Variants in SLC35F1 observed in about 807,000 individuals in gnomAD.
SLC35F1 encodes the protein solute carrier family 35 member F1.
A neutral mutation model predicts 48.7 loss-of-function variants in SLC35F1; 14 were observed. The ratio of observed to expected loss-of-function variants is 0.29; its 90% CI spans 0.19 to 0.45. The LOEUF is 0.45. Among genes scored for constraint, SLC35F1 ranks in the 20% least tolerant of loss-of-function variants. The pLI is 1.00. For synonymous variants in SLC35F1, 190 were observed against 202.2 expected (o/e 0.94, Z 0.51); for missense variants, 404 against 500.0 (o/e 0.81, Z 1.83).
chr6:118,242,350 T>C (rs1192995616), intron 3 of SLC35F1, among the ~76,000 whole-genome samples: 1 of 142,180 alleles, frequency 7.0e-6, no homozygotes, highest in East Asian at 2.1e-4. Flanking sequence ...GAGAGAAATA[T>C]TTTTAACTTT....
intron 2 of SLC35F1, among the ~76,000 whole-genome samples, chr6:118,232,532 G>A (rs1269161497): frequency 1.7e-5 from 2 of 119,126 alleles, no homozygotes; most frequent in African/African-American, 7.0e-5. Context: ...TGGGTGACAA[G>A]AGTGAAACTC....
intron 2 of SLC35F1, among the ~76,000 whole-genome samples, chr6:118,155,474 C>G (rs1774125664): frequency 6.6e-6 from 1 of 152,172 alleles, no homozygotes; most frequent in Admixed American, 6.5e-5. Flanking sequence ...TTGCCCTCTC[C>G]TGCTCTCTCA....
intron 1 of SLC35F1, among the ~76,000 whole-genome samples, chr6:117,949,046 A>G (rs1417424068): frequency 6.6e-6 from 1 of 152,192 alleles, no homozygotes; most frequent in African/African-American, 2.4e-5. Context: ...GGTGCTATTC[A>G]TAATGCTTTT....
rs9387569 is a variant in SLC35F1 at position 118,256,961 on chromosome 6, C to G, written c.478-10034C>G. 9.8e-4 allele frequency among the ~76,000 whole-genome samples: 149 copies of G among 152,190 alleles called. 1 individual carries two copies. The East Asian group carries it at 0.025, about 25-fold the overall frequency. ...TTATTCTTATAGATTCTAATTTTCT[C>G]CATCCAGAAATTTTTATGCCTAATA... is the stretch of plus-strand genomic sequence containing the variant. On this transcript the variant is annotated intron_variant, in intron 3 of 7. Transcript: ENST00000360388.
At chr6:117,966,160 A>G (rs957656306) in intron 1 of SLC35F1, among the ~76,000 whole-genome samples, 4 of 72,308 alleles carry the variant, frequency 5.5e-5, no homozygotes, top group Non-Finnish European at 1.1e-4. Flanking sequence ...CCCCGCCCCA[A>G]GCAGCAGCGG....
intron 2 of SLC35F1, among the ~76,000 whole-genome samples, chr6:118,196,898 C>A (rs1774809802): frequency 6.6e-6 from 1 of 151,584 alleles, no homozygotes; most frequent in Admixed American, 6.6e-5. Flanking sequence ...CCATTTTATT[C>A]TTTTGCATGT....
At chr6:118,215,001 C>T (rs1259396533) in intron 2 of SLC35F1, among the ~76,000 whole-genome samples, 1 of 152,056 alleles carries the variant, frequency 6.6e-6, no homozygotes, top group Non-Finnish European at 1.5e-5. Context: ...GTGAGCAATC[C>T]GTGTCCCAAG....
chr6:118,107,480 T>C (rs772687393), intron 1 of SLC35F1, among the ~76,000 whole-genome samples: 9 of 152,144 alleles, frequency 5.9e-5, no homozygotes, highest in Admixed American at 2.6e-4. Context: ...TACTGACAGA[T>C]CTTATAACAA....
chr6:118,220,804 C>G (rs1462145546), intron 2 of SLC35F1, among the ~76,000 whole-genome samples: 1 of 152,212 alleles, frequency 6.6e-6, no homozygotes, highest in East Asian at 1.9e-4. Flanking sequence ...TTATTGACAA[C>G]TGAAGCACTG....
intron 1 of SLC35F1, among the ~76,000 whole-genome samples, chr6:117,980,073 A>G (rs1776757375): frequency 6.6e-6 from 1 of 152,076 alleles, no homozygotes; most frequent in African/African-American, 2.4e-5. Context: ...TTTCTGTTTT[A>G]TATGTTTATG....
intron 1 of SLC35F1, among the ~76,000 whole-genome samples, chr6:118,015,288 A>T (rs984906925): frequency 2.0e-5 from 3 of 151,778 alleles, no homozygotes; most frequent in Non-Finnish European, 4.4e-5. Context: ...CTCCGGAGAG[A>T]TTGTTTTTTA....
intron 1 of SLC35F1, among the ~76,000 whole-genome samples, chr6:118,015,688 A>T (rs1218578806): frequency 6.6e-6 from 1 of 152,190 alleles, no homozygotes; most frequent in Non-Finnish European, 1.5e-5. Context: ...AGTTTTCTAA[A>T]TACACTTCTT....
intron 2 of SLC35F1, among the ~76,000 whole-genome samples, chr6:118,213,209 AT>A (rs1775029924): frequency 6.6e-6 from 1 of 152,354 alleles, no homozygotes; most frequent in South Asian, 2.1e-4. Flanking sequence ...AAGAGCTAAA[AT>A]CAACAAGTTA....
intron 3 of SLC35F1, among the ~76,000 whole-genome samples, chr6:118,237,104 T>A (rs1775375571): frequency 6.6e-6 from 1 of 152,176 alleles, no homozygotes; most frequent in Admixed American, 6.5e-5. Context: ...TACTCTCTAT[T>A]CTCTATACAT....
chr6:117,912,760 T>C (rs1000152101), intron 1 of SLC35F1, among the ~76,000 whole-genome samples: 4 of 152,234 alleles, frequency 2.6e-5, no homozygotes, highest in African/African-American at 9.6e-5. Context: ...TATACCAGTA[T>C]ACTTGTATTT....
At position 118,312,032 on chromosome 6, in the gene SLC35F1, C is replaced by T. The variant is rs910401333; in HGVS notation, c.1003-1996C>T. 3.3e-5 allele frequency among the ~76,000 whole-genome samples: 5 copies of T among 152,106 alleles called. No homozygotes were observed. In the East Asian group the frequency reaches 9.6e-4, roughly 29 times the overall value. ...TGCTTTACTGAGAAGGAAGCCTGGA[C>T]CTGGAAAGGTTAAGAAATGTGTCCA... On this transcript the variant is annotated intron_variant, in intron 7 of 7. Transcript: ENST00000360388.
intron 1 of SLC35F1, among the ~76,000 whole-genome samples, chr6:118,024,255 C>T (rs911192924): frequency 2.0e-5 from 3 of 152,128 alleles, no homozygotes; most frequent in Non-Finnish European, 4.4e-5. Context: ...GTTAACTTCC[C>T]GTCATAAGAA....
At chr6:118,200,349 C>A (rs1166466934) in intron 2 of SLC35F1, among the ~76,000 whole-genome samples, 2 of 152,054 alleles carry the variant, frequency 1.3e-5, no homozygotes, top group African/African-American at 4.8e-5. Flanking sequence ...AGCCAAAGAA[C>A]AGGGTGGGGT....
intron 1 of SLC35F1, chr6:117,999,077 G>A (rs1029998632): frequency 1.2e-5 from 19 of 1,536,834 alleles, no homozygotes; most frequent in Non-Finnish European, 1.7e-5. Flanking sequence ...TCTTAAGGGG[G>A]TGGACCCCAA....
Sources: gnomAD v4.1 joint callset for allele counts (sites outside exome capture counted in the v4.1 genomes callset) on GRCh38, gnomAD v4.1.1 for gene constraint, MANE v1.5 for transcripts, NCBI Gene and HGNC (gene_info 2026-07-23, HGNC 2026-07-21) for gene names.